ZNF131: variants seen among roughly 807,000 people sequenced by gnomAD.
ZNF131 encodes zinc finger and BTB domain containing 35.
ZNF131 carries 7 observed loss-of-function variants against 60.0 expected under a neutral mutation model. That is an observed-to-expected ratio of 0.12 (90% CI 0.07 to 0.22). The LOEUF is 0.22. Among genes scored for constraint, ZNF131 ranks in the 10% least tolerant of loss-of-function variants. The pLI, the probability that ZNF131 is intolerant of heterozygous loss-of-function variation, is 1.00. For synonymous variants in ZNF131, 257 were observed against 253.2 expected, an observed-to-expected ratio of 1.01 and a Z score of -0.14; for missense variants, 493 against 740.9, an observed-to-expected ratio of 0.67 and a Z score of 3.88.
chr5:43,147,067 A>G (rs935696335), intron 4 of ZNF131, among the ~76,000 whole-genome samples: 5 of 152,136 alleles, frequency 3.3e-5, no homozygotes, highest in African/African-American at 4.8e-5. Context: ...TAGTTTTTCT[A>G]TAGTGTACCG....
At chr5:43,153,124 TATTATA>T (rs1397726710) in intron 4 of ZNF131, among the ~76,000 whole-genome samples, 3 of 152,152 alleles carry the variant, frequency 2.0e-5, no homozygotes, top group Non-Finnish European at 2.9e-5. Context: ...TCACATGGGC[TATTATA>T]AGTGAGTGTA....
At chr5:43,127,837 A>G (rs950180092) in intron 3 of ZNF131, among the ~76,000 whole-genome samples, 3 of 152,206 alleles carry the variant, frequency 2.0e-5, no homozygotes, top group Admixed American at 2.0e-4. Context: ...ACAACCTTCT[A>G]ACGTGAACCT....
At chr5:43,172,064 A>T (rs1024555631) in intron 5 of ZNF131, among the ~76,000 whole-genome samples, 1 of 152,238 alleles carries the variant, frequency 6.6e-6, no homozygotes, top group Non-Finnish European at 1.5e-5. Context: ...GCCTTCTTAA[A>T]GGAATTTTGG....
At chr5:43,147,541 C>T (rs759282846) in intron 4 of ZNF131, among the ~76,000 whole-genome samples, 157 of 151,400 alleles carry the variant, frequency 1.0e-3, no homozygotes, top group East Asian at 1.6e-3. Context: ...CCTCAGCCTC[C>T]GGAGTAGCTG....
chr5:43,158,001 T>A (rs1485987890), intron 4 of ZNF131, among the ~76,000 whole-genome samples: 1 of 152,244 alleles, frequency 6.6e-6, no homozygotes, highest in Admixed American at 6.5e-5. Context: ...TGAGTTTGAC[T>A]CTTATTGCCC....
chr5:43,127,377 G>T (rs1013888985), intron 3 of ZNF131, among the ~76,000 whole-genome samples: 1 of 152,174 alleles, frequency 6.6e-6, no homozygotes, highest in African/African-American at 2.4e-5. Flanking sequence ...GTAGGTTGTG[G>T]TCTGAGGACC....
intron 3 of ZNF131, among the ~76,000 whole-genome samples, chr5:43,129,657 T>G (rs1286425859): frequency 1.3e-5 from 2 of 151,998 alleles, no homozygotes; most frequent in Admixed American, 1.3e-4. Context: ...CTTCTGTGTT[T>G]TTTGTTTGTT....
In ZNF131 at chr5:43,135,209, G is replaced by A. The variant is rs189601822; in HGVS notation, c.227-3956G>A. ...GACGGGGTTTCTCCATGTTGAGGCT[G>A]GTCTCGAACTCCTGACCTCAGGTGA... On this transcript the variant is annotated intron_variant, in intron 3 of 6. Coordinates refer to ENST00000682664, the MANE Select transcript of ZNF131 (RefSeq NM_001330707.2). 0.01 allele frequency among the ~76,000 whole-genome samples: 1,530 copies of A among 150,294 alleles called. 99 individuals carry two copies. The East Asian group carries it at 0.18, about 18-fold the overall frequency.
chr5:43,141,838 A>C (rs1044249793), intron 4 of ZNF131, among the ~76,000 whole-genome samples: 3 of 152,032 alleles, frequency 2.0e-5, no homozygotes, highest in African/African-American at 4.8e-5. Flanking sequence ...ACACAGTAAC[A>C]TGTTGAATTG....
chr5:43,154,033 A>G (rs1022804142), intron 4 of ZNF131, among the ~76,000 whole-genome samples: 6 of 152,320 alleles, frequency 3.9e-5, no homozygotes, highest in Admixed American at 2.6e-4. Context: ...AAAGGTGAAC[A>G]TAAGACATAG....
chr5:43,131,380 C>T (rs1745335945), intron 3 of ZNF131, among the ~76,000 whole-genome samples: 1 of 151,846 alleles, frequency 6.6e-6, no homozygotes, highest in African/African-American at 2.4e-5. Context: ...ACCATTTTAG[C>T]CAGGCTGGTC....
chr5:43,170,736 G>A (rs1348897401), intron 5 of ZNF131, among the ~76,000 whole-genome samples: 2 of 150,066 alleles, frequency 1.3e-5, no homozygotes, highest in African/African-American at 4.9e-5. Context: ...AGGTTCAAGT[G>A]ATTCTCCTGC....
intron 3 of ZNF131, among the ~76,000 whole-genome samples, chr5:43,130,449 C>G (rs930496156): frequency 6.6e-6 from 1 of 151,984 alleles, no homozygotes; most frequent in Non-Finnish European, 1.5e-5. Context: ...TCTTTGATAA[C>G]TTTCTTCTCC....
At chr5:43,156,878 C>T (rs949774060) in intron 4 of ZNF131, among the ~76,000 whole-genome samples, 19 of 151,762 alleles carry the variant, frequency 1.3e-4, no homozygotes, top group African/African-American at 4.6e-4. Context: ...CTCTCTACCC[C>T]CACCAAAAAA....
At position 43,161,174 on chromosome 5, in the gene ZNF131, C is replaced by CT. The variant is rs1443574912; in HGVS notation, c.372-72dup. 1.7e-5 allele frequency: 22 copies of CT among 1,327,168 alleles called. No individual in the cohort carries two copies. In the African/African-American group the frequency reaches 2.6e-4, roughly 16 times the overall value. 82.2% of individuals were successfully genotyped at this position (1,327,168 alleles called of 1,614,324 possible). A position where few individuals can be genotyped will look rare whatever the true frequency, so the allele number is the denominator to read the frequency against. On this transcript the variant is annotated intron_variant, in intron 4 of 6. Transcript: ENST00000682664. Reference sequence around the variant, plus strand: ...ACTGTTTATATAAATTTTATTGCCACTTTATCAGTTTCTTCAAAAAAGCCT... The same window carrying CT: ...ACTGTTTATATAAATTTTATTGCCACTTTTATCAGTTTCTTCAAAAAAGCCT...
At position 43,160,936 on chromosome 5, in the gene ZNF131, C is replaced by T. The variant is rs552846317; in HGVS notation, c.372-313C>T. 9.2e-5 allele frequency among the ~76,000 whole-genome samples: 14 copies of T among 152,254 alleles called. No homozygotes were observed. In the South Asian group the frequency reaches 1.9e-3, roughly 20 times the overall value. On this transcript the variant is annotated intron_variant, in intron 4 of 6. Coordinates refer to ENST00000682664, the MANE Select transcript of ZNF131 (RefSeq NM_001330707.2). ...CCTCAGGTGATCCACCTGCCTTGGC[C>T]TCCCAAAGTGTTGCGATTACAGGCA...
chr5:43,167,132 T>C (rs1750467058), intron 5 of ZNF131, among the ~76,000 whole-genome samples: 1 of 152,224 alleles, frequency 6.6e-6, no homozygotes, highest in East Asian at 1.9e-4. Context: ...AGTTAAGCTC[T>C]TTGTTATGGG....
intron 4 of ZNF131, among the ~76,000 whole-genome samples, chr5:43,151,999 C>CTATT (rs35815843): frequency 2.0e-5 from 3 of 150,920 alleles, no homozygotes; most frequent in African/African-American, 7.3e-5. Context: ...GACTTCTTTC[C>CTATT]TATTTATTTA....
chr5:43,132,028 G>C (rs1745428896), intron 3 of ZNF131, among the ~76,000 whole-genome samples: 1 of 152,170 alleles, frequency 6.6e-6, no homozygotes, highest in Admixed American at 6.6e-5. Flanking sequence ...GTGAGTTAAT[G>C]CTTGTAAAGT....
Sources: allele counts gnomAD v4.1 joint callset (sites outside exome capture counted in the v4.1 genomes callset), GRCh38; gene constraint gnomAD v4.1.1; transcripts MANE v1.5; gene names NCBI Gene and HGNC (gene_info 2026-07-23, HGNC 2026-07-21).